Variants in CCDC8 observed in about 807,000 individuals in gnomAD.
CCDC8 encodes the protein coiled-coil domain-containing protein 8.
Under a neutral mutation model 5.2 loss-of-function variants are expected in CCDC8, and 6 were observed. That is an observed-to-expected ratio of 1.16 (90% CI 0.63 to 2.28). CCDC8 has a LOEUF of 2.28. CCDC8 is among the 30% of genes most tolerant of loss of function. The pLI, the probability that CCDC8 is intolerant of heterozygous loss-of-function variation, is 0.00. For missense variants in CCDC8, 724 were observed against 712.2 expected, an observed-to-expected ratio of 1.02 and a Z score of -0.19; for synonymous variants, 310 against 286.5, an observed-to-expected ratio of 1.08 and a Z score of -0.83.
chr19:46,411,031 T>A lies in CCDC8; in HGVS notation c.*163A>T, dbSNP rs368264441. 1.6e-4 allele frequency: 135 copies of A among 866,826 alleles called. No individual in the cohort carries two copies. The Middle Eastern group carries it at 2.5e-3, about 16-fold the overall frequency. The allele number at this position is 866,826 out of a possible 1,614,324, so 53.7% of individuals were successfully genotyped here. Reference sequence around the variant, plus strand: ...AGTGAGACCCTGTCTCTAAAAAATTTAAAAAAAAATCAAAGCATGAACAAA... The same window carrying A: ...AGTGAGACCCTGTCTCTAAAAAATTAAAAAAAAAATCAAAGCATGAACAAA... On this transcript the variant is annotated 3_prime_UTR_variant, in exon 1 of 1. Transcript: ENST00000307522.
Position 46,411,264 on chromosome 19 carries a change from C to T in CCDC8, c.1547G>A (p.Arg516Lys), listed in dbSNP as rs766546559. The change falls in exon 1 of 1, where the codon AGG (arginine) becomes AAG (lysine). Residue 516 changes from arginine to lysine, a missense_variant. Physicochemically the swap from Arg to Lys is conservative, Grantham distance 26. Transcript: ENST00000307522. ...CTCGGCCCTCAGCACCCTGAGGTTC[C>T]TGGCCTCTCCTGCCCTGGGGACTCT... ...PKRVPRAGEA[R>K]NLRVLRAEAR... 14 of 1,614,078 alleles carry T rather than the reference C, an allele frequency of 8.7e-6. No homozygotes were observed. The African/African-American group carries it at 1.7e-4, about 20-fold the overall frequency.
Position 46,412,008 on chromosome 19 carries a change from T to C in CCDC8, c.803A>G (p.Lys268Arg). ...GCGCCGAAAGGAGGCCCAGTTGATCTTGGGCCTCCATCGCCTAGGGGAAGC... is the reference window on the plus strand; with the variant it reads ...GCGCCGAAAGGAGGCCCAGTTGATCCTGGGCCTCCATCGCCTAGGGGAAGC... ...PQASPRRWRP[K>R]INWASFRRRR... The change falls in exon 1 of 1, where the codon AAG becomes AGG. Residue 268 changes from lysine (K) to arginine (R), a missense_variant. Physicochemically the swap from Lys to Arg is conservative, Grantham distance 26. Coordinates refer to ENST00000307522, the MANE Select transcript of CCDC8 (RefSeq NM_032040.5). The surrounding 1 kb of genome is among the most constrained non-coding windows in gnomAD (Gnocchi z 4.7). 2 of 1,605,392 alleles carry C rather than the reference T, an allele frequency of 1.2e-6. No homozygotes were observed. Among genetic ancestry groups the C allele is most frequent in the South Asian group, 2.2e-5 (2 of 91,076 alleles).
Position 46,411,006 on chromosome 19 carries a change from A to G in CCDC8, c.*188T>C. On this transcript the variant is annotated 3_prime_UTR_variant, in exon 1 of 1. Coordinates refer to ENST00000307522, the MANE Select transcript of CCDC8 (RefSeq NM_032040.5). ...CACTGCACTCCAGCCTGGGCAACAG[A>G]GTGAGACCCTGTCTCTAAAAAATTT... 4.5e-6 allele frequency: 3 copies of G among 671,612 alleles called. No homozygotes were observed. The highest frequency in any genetic ancestry group is 7.4e-6 in the Non-Finnish European group (3 of 404,122). The allele number at this position is 671,612 out of a possible 1,614,324, so 41.6% of individuals were successfully genotyped here.
rs367620133 is a variant in CCDC8 at position 46,411,623 on chromosome 19, T to G, written c.1188A>C (p.Pro396=). ...CTGTAACCTCTGACCCCTGGTCAGC[T>G]GGGGCCTCCGCCCTCTGATTATCTG... is the stretch of plus-strand genomic sequence containing the variant. ...EAADNQRAEA[P]ADQGSEVTDN... The change falls in exon 1 of 1, where the codon CCA becomes CCC. Residue 396 remains proline (P), a synonymous_variant. Transcript: ENST00000307522. The G allele has an allele frequency of 1.1e-5, 17 of 1,612,800 alleles. No individual in the cohort carries two copies. Among genetic ancestry groups the G allele is most frequent in the African/African-American group, 2.7e-5 (2 of 74,896 alleles).
rs967297163 is a variant in CCDC8 at position 46,410,817 on chromosome 19, C to A, written c.*377G>T. On this transcript the variant is annotated 3_prime_UTR_variant, in exon 1 of 1. Transcript: ENST00000307522. ...TGACGCAACCCCATTGTGTCGAATT[C>A]TTTCTTTACATTTTTTGGGTTGCTA... 9 of 187,566 alleles carry A rather than the reference C, an allele frequency of 4.8e-5. No individual in the cohort carries two copies. The Admixed American group carries it at 4.8e-4, about 10-fold the overall frequency. The allele number at this position is 187,566 out of a possible 1,614,324, so 11.6% of individuals were successfully genotyped here. A position where few individuals can be genotyped will look rare whatever the true frequency, so the allele number is the denominator to read the frequency against.
rs1340457490 is a variant in CCDC8 at position 46,411,818 on chromosome 19, AGCCTCTGCCCCCTGGTCAGCTGGG to A, written c.969_992del (p.Pro324_Ala331del). ...CAGCCTCTTCCCTCTGATTATCTGCAGCCTCTGCCCCCTGGTCAGCTGGGGCCCCTGCCCTCTGATTACCTGCAG... is the reference window on the plus strand; with the variant it reads ...CAGCCTCTTCCCTCTGATTATCTGCAGCCCCTGCCCTCTGATTACCTGCAG... On this transcript the variant is annotated inframe_deletion, in exon 1 of 1. Transcript: ENST00000307522. 1.9e-6 allele frequency: 3 copies of A among 1,606,552 alleles called. No homozygotes were observed. The African/African-American group carries it at 4.1e-5, about 22-fold the overall frequency.
In CCDC8 at chr19:46,411,924, C is replaced by T. The variant is rs776083985; in HGVS notation, c.887G>A (p.Gly296Glu). 1 of 1,612,198 alleles carries T rather than the reference C, an allele frequency of 6.2e-7. No individual in the cohort carries two copies. Among genetic ancestry groups the T allele is most frequent in the Non-Finnish European group, 8.5e-7 (1 of 1,179,250 alleles). ...CCTTTGACTATCTGCAGCCTCTCCC[C>T]CCTGATCAGCCTCGATGTCTGCCCC... is the stretch of plus-strand genomic sequence containing the variant. ...GQGADIEADQ[G>E]GEAADSQREE... is the part of the protein sequence containing the mutation. Residue 296 changes from glycine (G) to glutamate (E), a missense_variant, in exon 1 of 1, where the codon GGG becomes GAG. Coordinates refer to ENST00000307522, the MANE Select transcript of CCDC8 (RefSeq NM_032040.5).
Position 46,411,136 on chromosome 19 carries a change from A to G in CCDC8, c.*58T>C. On this transcript the variant is annotated 3_prime_UTR_variant, in exon 1 of 1. Transcript: ENST00000307522. ...CCTCCACTTTGAAGTTCAGAGGCAG[A>G]GCATCTCTCCCTCCCACACTTGGAG... is the stretch of plus-strand genomic sequence containing the variant. The G allele has an allele frequency of 6.2e-7, 1 of 1,603,652 alleles. No individual in the cohort carries two copies. Among genetic ancestry groups the G allele is most frequent in the Non-Finnish European group, 8.5e-7 (1 of 1,173,052 alleles).
rs551381011 is a variant in CCDC8, at chr19:46,410,417, G to C, written c.*777C>G. On this transcript the variant is annotated 3_prime_UTR_variant, in exon 1 of 1. Coordinates refer to ENST00000307522, the MANE Select transcript of CCDC8 (RefSeq NM_032040.5). Reference sequence around the variant, plus strand: ...CGCTTTTACTGTACCTTATAACCAAGATCGGGTGAGGTGTGCAAACCAAGG... The same window carrying C: ...CGCTTTTACTGTACCTTATAACCAACATCGGGTGAGGTGTGCAAACCAAGG... The C allele has an allele frequency of 1.3e-5, 2 of 152,166 alleles. No homozygotes were observed. Among genetic ancestry groups the C allele is most frequent in the Admixed American group, 1.3e-4 (2 of 15,256 alleles). 9.4% of individuals were successfully genotyped at this position (152,166 alleles called of 1,614,324 possible).
In CCDC8 at chr19:46,411,890, GGCCTCTTCCCTTTGACTATCTGCA is replaced by G. The variant is rs776633926; in HGVS notation, c.897_920del (p.Ala300_Ala307del). 3.1e-6 allele frequency: 5 copies of G among 1,613,802 alleles called. No homozygotes were observed. The Admixed American group carries it at 5.0e-5, about 16-fold the overall frequency. On this transcript the variant is annotated inframe_deletion, in exon 1 of 1. Transcript: ENST00000307522. Reference sequence around the variant, plus strand: ...CAGCCCCTTCCCGCTGGTCAGCTATGGCCTCTTCCCTTTGACTATCTGCAGCCTCTCCCCCCTGATCAGCCTCGA... The same window carrying G: ...CAGCCCCTTCCCGCTGGTCAGCTATGGCCTCTCCCCCCTGATCAGCCTCGA...
In CCDC8 at chr19:46,411,464, T is replaced by G. The variant is rs2147431278; in HGVS notation, c.1347A>C (p.Pro449=). The G allele has an allele frequency of 6.2e-7, 1 of 1,614,210 alleles. No individual in the cohort carries two copies. The highest frequency in any genetic ancestry group is 8.5e-7 in the Non-Finnish European group (1 of 1,180,012). ...EAAHNQRAGA[P]GIQEAEVSAA... ...CTGAGACTTCAGCTTCCTGGATACC[T>G]GGGGCCCCTGCCCTCTGATTATGTG... The change falls in exon 1 of 1, where the codon CCA becomes CCC. Residue 449 remains proline (P), a synonymous_variant. Coordinates refer to ENST00000307522, the MANE Select transcript of CCDC8 (RefSeq NM_032040.5).
chr19:46,412,290 T>A lies in CCDC8; in HGVS notation c.521A>T (p.Asn174Ile), dbSNP rs770397258. ...GTCCTCAAACATGGGCACTGGCAGGTTGACGCGGCGGCGGGCAGGCGGCGC... is the reference window on the plus strand; with the variant it reads ...GTCCTCAAACATGGGCACTGGCAGGATGACGCGGCGGCGGGCAGGCGGCGC... ...PSAPPARRRV[N>I]LPVPMFEDNL... Residue 174 changes from asparagine (N) to isoleucine (I), a missense_variant, in exon 1 of 1, where the codon AAC becomes ATC. Transcript: ENST00000307522. This position sits in a 1 kb window ranked among gnomAD's most constrained non-coding sequence, Gnocchi z 4.7. The A allele has an allele frequency of 6.2e-7, 1 of 1,607,154 alleles. No homozygotes were observed. Among genetic ancestry groups the A allele is most frequent in the Non-Finnish European group, 8.5e-7 (1 of 1,179,866 alleles).
chr19:46,411,259 G>T lies in CCDC8; in HGVS notation c.1552C>A (p.Leu518Ile), dbSNP rs1973223538. Residue 518 changes from leucine to isoleucine, a missense_variant, in exon 1 of 1, where the codon CTC becomes ATC. By Grantham distance (5) the Leu-to-Ile change is conservative (BLOSUM62 2). Transcript: ENST00000307522. The part of the protein sequence containing the change: ...RVPRAGEARN[L>I]RVLRAEARAE... Reference sequence around the variant, plus strand: ...CTGGCCTCGGCCCTCAGCACCCTGAGGTTCCTGGCCTCTCCTGCCCTGGGG... The same window carrying T: ...CTGGCCTCGGCCCTCAGCACCCTGATGTTCCTGGCCTCTCCTGCCCTGGGG... 3 of 1,614,066 alleles carry T rather than the reference G, an allele frequency of 1.9e-6. No homozygotes were observed. Among genetic ancestry groups the T allele is most frequent in the Non-Finnish European group, 2.5e-6 (3 of 1,180,028 alleles).
chr19:46,411,165 G>A lies in CCDC8; in HGVS notation c.*29C>T, dbSNP rs1973222001. ...TCTCTCCCTCCCACACTTGGAGGGA[G>A]GGCCCGTGGGCTGTCTCTAGCCCTC... is the stretch of plus-strand genomic sequence containing the variant. On this transcript the variant is annotated 3_prime_UTR_variant, in exon 1 of 1. Coordinates refer to ENST00000307522, the MANE Select transcript of CCDC8 (RefSeq NM_032040.5). 1 of 1,613,192 alleles carries A rather than the reference G, an allele frequency of 6.2e-7. No individual in the cohort carries two copies. The highest frequency in any genetic ancestry group is 8.5e-7 in the Non-Finnish European group (1 of 1,179,918).
chr19:46,412,203 C>T lies in CCDC8; in HGVS notation c.608G>A (p.Trp203Ter), dbSNP rs1973241700. 3 of 1,599,300 alleles carry T rather than the reference C, an allele frequency of 1.9e-6. No individual in the cohort carries two copies. Among genetic ancestry groups the T allele is most frequent in the South Asian group, 2.2e-5 (2 of 91,054 alleles). ...CTTCACCCTCCGCTTCAGCTTCCCC[C>T]AGGACACCTGGCTGACATACTCCCG... ...RWREYVSQVS[W>*]GKLKRRVKGW... The change falls in exon 1 of 1, where the codon TGG becomes TAG. Residue 203 changes from tryptophan to a stop codon, truncating the protein, a stop_gained. Transcript: ENST00000307522. LOFTEE classifies it low-confidence loss of function (END_TRUNC). The surrounding 1 kb of genome is among the most constrained non-coding windows in gnomAD (Gnocchi z 4.7).
rs1221842856 is a variant in CCDC8 at position 46,412,406 on chromosome 19, C to A, written c.405G>T (p.Leu135=). The part of the protein sequence containing the change: ...KKVRKMPVSY[L]GSKFLGSDLE... ...GGTCGCTTCCCAGGAACTTGCTGCC[C>A]AGGTAGCTGACGGGCATTTTGCGCA... Residue 135 remains leucine, a synonymous_variant, in exon 1 of 1, where the codon CTG becomes CTT. Transcript: ENST00000307522. The surrounding 1 kb of genome is among the most constrained non-coding windows in gnomAD (Gnocchi z 4.7). The A allele has an allele frequency of 6.8e-6, 11 of 1,613,574 alleles. No homozygotes were observed. The highest frequency in any genetic ancestry group is 9.3e-6 in the Non-Finnish European group (11 of 1,180,010).
Position 46,412,109 on chromosome 19 carries a change from T to A in CCDC8, c.702A>T (p.Ala234=), listed in dbSNP as rs1484894824. ...TGCCCTCTGGCGCCGATGATACCCC[T>A]GCGCTCTCCACTGCGGTGGAGGCCA... The part of the protein sequence containing the change: ...ARLASTAVES[A]GVSSAPEGTS... Residue 234 remains alanine, a synonymous_variant, in exon 1 of 1, where the codon GCA becomes GCT. Transcript: ENST00000307522. The surrounding 1 kb of genome is among the most constrained non-coding windows in gnomAD (Gnocchi z 4.7). The A allele has an allele frequency of 6.3e-7, 1 of 1,599,236 alleles. No homozygotes were observed. Among genetic ancestry groups the A allele is most frequent in the Non-Finnish European group, 8.5e-7 (1 of 1,179,930 alleles).
Position 46,411,748 on chromosome 19 carries a change from C to A in CCDC8, c.1063G>T (p.Ala355Ser), listed in dbSNP as rs758991386. Reference sequence around the variant, plus strand: ...GCCTCTTCCCTCTGGTTATCTGCAGCCTCTGCCCCCTCCTCAGCTGGGGCC... The same window carrying A: ...GCCTCTTCCCTCTGGTTATCTGCAGACTCTGCCCCCTCCTCAGCTGGGGCC... ...AGAPAEEGAEAADNQREEAAD... is the reference protein window; with the variant it reads ...AGAPAEEGAESADNQREEAAD... The change falls in exon 1 of 1, where the codon GCT (alanine) becomes TCT (serine). Residue 355 changes from alanine to serine, a missense_variant. Coordinates refer to ENST00000307522, the MANE Select transcript of CCDC8 (RefSeq NM_032040.5). The A allele has an allele frequency of 2.5e-6, 4 of 1,613,116 alleles. No homozygotes were observed. The African/African-American group carries it at 5.4e-5, about 22-fold the overall frequency.
In CCDC8 at chr19:46,410,875, T is replaced by G; in HGVS notation, c.*319A>C. 4.0e-6 allele frequency: 1 copy of G among 250,594 alleles called. No individual in the cohort carries two copies. The highest frequency in any genetic ancestry group is 7.7e-6 in the Non-Finnish European group (1 of 129,690). The allele number at this position is 250,594 out of a possible 1,614,324, so 15.5% of individuals were successfully genotyped here. A position where few individuals can be genotyped will look rare whatever the true frequency, so the allele number is the denominator to read the frequency against. Reference sequence around the variant, plus strand: ...TCAGTATTTTTTTTTTTTAATCAGATGGTGTGTGTGGTGGCTCACATCTGT... The same window carrying G: ...TCAGTATTTTTTTTTTTTAATCAGAGGGTGTGTGTGGTGGCTCACATCTGT... On this transcript the variant is annotated 3_prime_UTR_variant, in exon 1 of 1. Transcript: ENST00000307522.
Sources: allele counts gnomAD v4.1 joint callset, GRCh38; gene constraint gnomAD v4.1.1; non-coding constraint Gnocchi (gnomAD v3.1); transcripts MANE v1.5; gene names NCBI Gene and HGNC (gene_info 2026-07-23, HGNC 2026-07-21).